Variants in RB1 observed in about 807,000 individuals in gnomAD.
The protein encoded by RB1 is retinoblastoma-associated protein.
A neutral mutation model predicts 135.4 loss-of-function variants in RB1; 18 were observed. The observed-to-expected ratio is 0.13, with a 90% CI of 0.09 to 0.20. RB1 has a LOEUF of 0.20. Among genes scored for constraint, RB1 ranks in the 10% least tolerant of loss-of-function variants. The pLI is 1.00. For synonymous variants in RB1, 365 were observed against 373.2 expected, an observed-to-expected ratio of 0.98 and a Z score of 0.25; for missense variants, 868 against 1,110.0, an observed-to-expected ratio of 0.78 and a Z score of 3.10.
chr13:48,324,883 T>C (rs1952273625), intron 2 of RB1, among the ~76,000 whole-genome samples: 1 of 152,050 alleles, frequency 6.6e-6, no homozygotes, highest in Non-Finnish European at 1.5e-5. Context: ...TGTTTTTTTT[T>C]ACTGTTTTAA....
chr13:48,328,462 C>T, intron 2 of RB1: 1 of 927,718 alleles, frequency 1.1e-6, no homozygotes, highest in Non-Finnish European at 1.8e-6. Flanking sequence ...CAGCTGATCG[C>T]TTCTCAGCGC....
At chr13:48,357,000 C>T (rs1301581678) in intron 6 of RB1, among the ~76,000 whole-genome samples, 2 of 151,756 alleles carry the variant, frequency 1.3e-5, no homozygotes, top group Admixed American at 1.3e-4. Flanking sequence ...TTCCGCTCCT[C>T]ATTTACTTCC....
chr13:48,478,658 T>C (rs1379360127), intron 26 of RB1, among the ~76,000 whole-genome samples: 1 of 152,210 alleles, frequency 6.6e-6, no homozygotes, highest in Non-Finnish European at 1.5e-5. Context: ...AGGACCTTTG[T>C]GCATCTACAA....
At chr13:48,317,054 T>C (rs530483462) in intron 2 of RB1, 3 of 705,432 alleles carry the variant, frequency 4.3e-6, no homozygotes, top group South Asian at 2.6e-5. Context: ...AACTCCGCCC[T>C]GTCTGTGCCT....
At chr13:48,352,463 A>G (rs1201958314) in intron 6 of RB1, among the ~76,000 whole-genome samples, 1 of 151,872 alleles carries the variant, frequency 6.6e-6, no homozygotes, top group Non-Finnish European at 1.5e-5. Flanking sequence ...GGCCATTTTA[A>G]TGATATTTAT....
At chr13:48,336,558 T>G (rs1450219296) in intron 2 of RB1, among the ~76,000 whole-genome samples, 3 of 152,102 alleles carry the variant, frequency 2.0e-5, no homozygotes, top group Non-Finnish European at 2.9e-5. Context: ...TTATTGCATC[T>G]ATTTGATTCT....
chr13:48,370,878 G>C (rs1349755141), intron 11 of RB1, among the ~76,000 whole-genome samples: 1 of 152,178 alleles, frequency 6.6e-6, no homozygotes, highest in Non-Finnish European at 1.5e-5. Context: ...GCTTTCTAGT[G>C]ACCAGCCCCC....
At chr13:48,401,153 G>A (rs1165477643) in intron 17 of RB1, 1 of 152,160 alleles carries the variant, frequency 6.6e-6, no homozygotes, top group African/African-American at 2.4e-5. Context: ...AAGTAGCAAT[G>A]GTAGAAGAAT....
chr13:48,339,761 C>T (rs750033660), intron 2 of RB1, among the ~76,000 whole-genome samples: 32 of 152,296 alleles, frequency 2.1e-4, no homozygotes, highest in South Asian at 1.2e-3. Flanking sequence ...TCTTCTGCAT[C>T]GCTCACACTG....
intron 17 of RB1, among the ~76,000 whole-genome samples, chr13:48,392,844 T>G (rs1229299249): frequency 6.6e-6 from 1 of 152,166 alleles, no homozygotes; most frequent in Non-Finnish European, 1.5e-5. Flanking sequence ...ATCATGAATT[T>G]TGCTTTAGTG....
At chr13:48,328,191 G>T in intron 2 of RB1, 1 of 1,487,524 alleles carries the variant, frequency 6.7e-7, no homozygotes, top group Non-Finnish European at 9.4e-7. Context: ...TGGTCCAGCT[G>T]ATGTTGGTGT....
intron 17 of RB1, chr13:48,410,944 T>C (rs544378008): frequency 1.3e-5 from 2 of 152,432 alleles, no homozygotes; most frequent in East Asian, 3.9e-4. Flanking sequence ...TCTTTCTCAT[T>C]TGTTAATCAT....
intron 6 of RB1, among the ~76,000 whole-genome samples, chr13:48,351,598 A>G (rs186123210): frequency 6.6e-6 from 1 of 151,816 alleles, no homozygotes; most frequent in African/African-American, 2.4e-5. Context: ...ATTCAATCCC[A>G]CTTGTCAATT....
chr13:48,380,023 CTT>C lies in RB1; in HGVS notation c.1390-18_1390-17del, dbSNP rs753535084. On this transcript the variant is annotated intron_variant, in intron 14 of 26. Coordinates refer to ENST00000267163, the MANE Select transcript of RB1 (RefSeq NM_000321.3). Reference sequence around the variant, plus strand: ...AAATAAGGTTTCAATTAAACAACTTCTTTTTTTTTTTTTAAATTATCTGTTTC... The same window carrying C: ...AAATAAGGTTTCAATTAAACAACTTCTTTTTTTTTTTAAATTATCTGTTTC... 748 of 763,382 alleles carry C rather than the reference CTT, an allele frequency of 9.8e-4. No homozygotes were observed. The highest frequency in any genetic ancestry group is 1.3e-3 in the Middle Eastern group (3 of 2,266). 47.3% of individuals were successfully genotyped at this position (763,382 alleles called of 1,614,324 possible).
intron 17 of RB1, among the ~76,000 whole-genome samples, chr13:48,450,893 C>T (rs947167222): frequency 6.6e-6 from 1 of 152,132 alleles, no homozygotes; most frequent in East Asian, 1.9e-4. Context: ...AGGCCCGTCA[C>T]TTCCCTTGTT....
chr13:48,440,876 C>T (rs867701486), intron 17 of RB1, among the ~76,000 whole-genome samples: 19 of 152,082 alleles, frequency 1.2e-4, no homozygotes, highest in Non-Finnish European at 2.5e-4. Flanking sequence ...TGATTTTAAA[C>T]TCTCATCTGT....
At chr13:48,430,927 TA>T (rs1949123676) in intron 17 of RB1, among the ~76,000 whole-genome samples, 1 of 152,004 alleles carries the variant, frequency 6.6e-6, no homozygotes, top group African/African-American at 2.4e-5. Flanking sequence ...ACAATTAAAA[TA>T]AAATAATATA....
At chr13:48,332,931 A>T in intron 2 of RB1, 1 of 397,440 alleles carries the variant, frequency 2.5e-6, no homozygotes, top group Non-Finnish European at 4.4e-6. Flanking sequence ...GTAAGAGATT[A>T]GTAACAATGA....
intron 17 of RB1, among the ~76,000 whole-genome samples, chr13:48,410,542 G>T (rs1948784619): frequency 6.6e-6 from 1 of 152,040 alleles, no homozygotes; most frequent in Non-Finnish European, 1.5e-5. Context: ...ATGTTTCTCC[G>T]ACCTAACATA....
Sources: allele counts gnomAD v4.1 joint callset (sites outside exome capture counted in the v4.1 genomes callset), GRCh38; gene constraint gnomAD v4.1.1; transcripts MANE v1.5; gene names NCBI Gene and HGNC (gene_info 2026-07-23, HGNC 2026-07-21).